CELSR1: variants seen among roughly 807,000 people sequenced by gnomAD.
CELSR1 encodes the protein adhesion G protein-coupled receptor C1.
A neutral mutation model predicts 249.1 loss-of-function variants in CELSR1; 110 were observed. The ratio of observed to expected loss-of-function variants is 0.44; its 90% confidence interval spans 0.38 to 0.52. CELSR1 has a LOEUF of 0.52. CELSR1 is among the 20% of genes least tolerant of loss of function. The pLI, the probability that CELSR1 is intolerant of heterozygous loss-of-function variation, is 0.00. For missense variants in CELSR1, 4,109 were observed against 4,296.4 expected (o/e 0.96, Z 1.22); for synonymous variants, 2,113 against 1,900.0 (o/e 1.11, Z -2.92).
rs1044191115 is a variant in CELSR1 at position 46,415,951 on chromosome 22, G to A, written c.4612-4192C>T. ...CAAAGTGCGTCTCCGCTGAAAGGCC[G>A]GCGTGGAGCACGAGGCGGCGGCAGA... On this transcript the variant is annotated intron_variant, in intron 5 of 34. Transcript: ENST00000674500. Among the ~76,000 whole-genome samples, 11 of 152,212 alleles carry A rather than the reference G, an allele frequency of 7.2e-5. No homozygotes were observed. The East Asian group carries it at 1.9e-3, about 27-fold the overall frequency.
chr22:46,409,776 C>G lies in CELSR1; in HGVS notation c.5038G>C (p.Gly1680Arg). ...TCACCTTGCTCACAGTTCTTCCCGCCGAATCGGAGTGGACACTCACACAGA... is the reference window on the plus strand; with the variant it reads ...TCACCTTGCTCACAGTTCTTCCCGCGGAATCGGAGTGGACACTCACACAGA... ...MYLCECPLRFGGKNCEQAMPH... is the reference protein window; with the variant it reads ...MYLCECPLRFRGKNCEQAMPH... The change falls in exon 8 of 35, where the codon GGC (glycine) becomes CGC (arginine). Residue 1680 changes from glycine (G) to arginine (R), a missense_variant. Around this residue, in one of 7 missense-constraint regions of CELSR1, gnomAD observed 453 missense variants for 492.0 expected, o/e 0.92. Coordinates refer to ENST00000674500, the MANE Select transcript of CELSR1 (RefSeq NM_001378328.1). This position sits in a 1 kb window ranked among gnomAD's most constrained non-coding sequence, Gnocchi z 9.8. 1 of 1,613,778 alleles carries G rather than the reference C, an allele frequency of 6.2e-7. No individual in the cohort carries two copies. Among genetic ancestry groups the G allele is most frequent in the Non-Finnish European group, 8.5e-7 (1 of 1,180,002 alleles).
rs144094018 is a variant in CELSR1, at chr22:46,365,250, G to A, written c.8535C>T (p.Ala2845=). 4.4e-4 allele frequency: 703 copies of A among 1,612,184 alleles called. 1 individual carries two copies. In the African/African-American group the frequency reaches 7.6e-3, roughly 17 times the overall value. The change falls in exon 32 of 35, where the codon GCC becomes GCT. Residue 2845 remains alanine (A), a synonymous_variant. Coordinates refer to ENST00000674500, the MANE Select transcript of CELSR1 (RefSeq NM_001378328.1). ...AEEKWDPARG[A]VHSTPKGDAV... ...ACTCACCTTTGGGGGTGCTGTGGAC[G>A]GCGCCCCTGGCCGGGTCCCATTTTT...
Position 46,441,811 on chromosome 22 carries a change from C to G in CELSR1, c.4184-2400G>C, listed in dbSNP as rs1285836638. ...TCCAGAGCAGATATGTATGAGACAACTGGCAATTTTAAAAGACTAGTGAAC... is the reference window on the plus strand; with the variant it reads ...TCCAGAGCAGATATGTATGAGACAAGTGGCAATTTTAAAAGACTAGTGAAC... On this transcript the variant is annotated intron_variant, in intron 2 of 34. Transcript: ENST00000674500. The surrounding 1 kb of genome is among the most constrained non-coding windows in gnomAD (Gnocchi z 6.1). 6.6e-6 allele frequency among the ~76,000 whole-genome samples: 1 copy of G among 152,200 alleles called. No homozygotes were observed. Among genetic ancestry groups the G allele is most frequent in the Non-Finnish European group, 1.5e-5 (1 of 68,040 alleles).
At chr22:46,405,032 C>T (rs1367618441) in intron 9 of CELSR1, among the ~76,000 whole-genome samples, 6 of 151,794 alleles carry the variant, frequency 4.0e-5, no homozygotes, top group Non-Finnish European at 8.8e-5. Flanking sequence ...CCCATGTTGG[C>T]CATGCTGGTC....
chr22:46,442,746 C>T (rs1376076040), intron 2 of CELSR1, among the ~76,000 whole-genome samples: 1 of 152,232 alleles, frequency 6.6e-6, no homozygotes, highest in Non-Finnish European at 1.5e-5. Context: ...AGTTCTCCCT[C>T]TGCTTCCCCC....
Position 46,533,611 on chromosome 22 carries a change from C to T in CELSR1, c.3544+16G>A. On this transcript the variant is annotated intron_variant, in intron 1 of 34. Coordinates refer to ENST00000674500, the MANE Select transcript of CELSR1 (RefSeq NM_001378328.1). ...GCCCATCAGGAGCTACTCCTCCCAC[C>T]CCGACGGCCACTCACCAGACACAGA... The T allele has an allele frequency of 6.5e-7, 1 of 1,536,860 alleles. No individual in the cohort carries two copies. The highest frequency in any genetic ancestry group is 1.4e-5 in the African/African-American group (1 of 73,544).
intron 24 of CELSR1, 131 bp downstream of exon 24, chr22:46,376,930 G>A: frequency 1.1e-6 from 1 of 891,634 alleles, no homozygotes; most frequent in Non-Finnish European, 1.7e-6. Flanking sequence ...TTCCTGAAAG[G>A]GCATCTGTGA....
Position 46,436,254 on chromosome 22 carries a change from T to A in CELSR1, c.4442A>T (p.Tyr1481Phe). The A allele has an allele frequency of 1.9e-6, 3 of 1,614,132 alleles. No homozygotes were observed. Among genetic ancestry groups the A allele is most frequent in the Non-Finnish European group, 2.5e-6 (3 of 1,180,020 alleles). The change falls in exon 4 of 35, where the codon TAC (tyrosine) becomes TTC (phenylalanine). Residue 1481 changes from tyrosine (Y) to phenylalanine (F), a missense_variant. By Grantham distance (22) the Tyr-to-Phe change is conservative. This residue lies in a region of CELSR1 where 453 missense variants were observed against 492.0 expected (regional missense o/e 0.92). Transcript: ENST00000674500. The surrounding 1 kb of genome is among the most constrained non-coding windows in gnomAD (Gnocchi z 5.9). ...GTGCTTCTCATTGAAGCGGCCGTTG[T>A]AGAGAAGCAAGCCGTTCCTTTCCTG... is the stretch of plus-strand genomic sequence containing the variant. ...ATQERNGLLL[Y>F]NGRFNEKHDF...
chr22:46,506,917 C>T lies in CELSR1; in HGVS notation c.3544+26710G>A, dbSNP rs546588507. On this transcript the variant is annotated intron_variant, in intron 1 of 34. Transcript: ENST00000674500. The surrounding 1 kb of genome is among the most constrained non-coding windows in gnomAD (Gnocchi z 4.1). ...CCAACACATAAAAACCGATTCCAGG[C>T]GGGGCGTGGTGGCTCACGTTTGTAA... Among the ~76,000 whole-genome samples, 26 of 152,258 alleles carry T rather than the reference C, an allele frequency of 1.7e-4. No homozygotes were observed. The highest frequency in any genetic ancestry group is 5.5e-4 in the African/African-American group (23 of 41,554).
In CELSR1 at chr22:46,536,186, T is replaced by C. The variant is rs550733838; in HGVS notation, c.985A>G (p.Ser329Gly). The C allele has an allele frequency of 3.7e-6, 6 of 1,612,680 alleles. No homozygotes were observed. The South Asian group carries it at 5.5e-5, about 15-fold the overall frequency. Residue 329 changes from serine (S) to glycine (G), a missense_variant, in exon 1 of 35, where the codon AGT becomes GGT. Ser to Gly is a moderately conservative substitution (Grantham distance 56). Transcript: ENST00000674500. ...GTGGTGGCCGAGCGCGGCGGCGTACTGTAGTCCACGGCTTTCACCCTGAGG... is the reference window on the plus strand; with the variant it reads ...GTGGTGGCCGAGCGCGGCGGCGTACCGTAGTCCACGGCTTTCACCCTGAGG... ...HVLRVKAVDY[S>G]TPPRSATTYI...
In CELSR1 at chr22:46,533,691, C is replaced by T; in HGVS notation, c.3480G>A (p.Leu1160=). The change falls in exon 1 of 35, where the codon CTG becomes CTA. Residue 1160 remains leucine, a synonymous_variant. Coordinates refer to ENST00000674500, the MANE Select transcript of CELSR1 (RefSeq NM_001378328.1). ...LLLLDPATGE[L]QLSRDLDNNR... Reference sequence around the variant, plus strand: ...TGTTGTCCAGGTCGCGGCTGAGCTGCAGTTCGCCCGTGGCGGGGTCCAGCA... The same window carrying T: ...TGTTGTCCAGGTCGCGGCTGAGCTGTAGTTCGCCCGTGGCGGGGTCCAGCA... The T allele has an allele frequency of 1.2e-6, 2 of 1,610,586 alleles. No homozygotes were observed. Among genetic ancestry groups the T allele is most frequent in the South Asian group, 1.1e-5 (1 of 90,914 alleles).
rs1019411052 is a variant in CELSR1 at position 46,447,437 on chromosome 22, G to A, written c.4184-8026C>T. On this transcript the variant is annotated intron_variant, in intron 2 of 34. Transcript: ENST00000674500. The surrounding 1 kb of genome is among the most constrained non-coding windows in gnomAD (Gnocchi z 4.7). ...TTCTGCTTGGAGTCAAAGGCTTGCT[G>A]AGTCATTCAAACCTGGGGGAAATTC... Among the ~76,000 whole-genome samples the A allele has an allele frequency of 1.1e-4, 16 of 152,064 alleles. No individual in the cohort carries two copies. Among genetic ancestry groups the A allele is most frequent in the Admixed American group, 6.5e-5 (1 of 15,270 alleles).
rs531260943 is a variant in CELSR1 at position 46,439,130 on chromosome 22, G to A, written c.4406+59C>T. On this transcript the variant is annotated intron_variant, in intron 3 of 34. Coordinates refer to ENST00000674500, the MANE Select transcript of CELSR1 (RefSeq NM_001378328.1). ...ACGATCTAGAGGGATGGGGTGCACG[G>A]AGAAGCTCGCCCCTTTCCTAAAGAG... The A allele has an allele frequency of 2.6e-5, 39 of 1,486,688 alleles. No individual in the cohort carries two copies. In the Admixed American group the frequency reaches 5.8e-4, roughly 22 times the overall value. The allele number at this position is 1,486,688 out of a possible 1,614,324, so 92.1% of individuals were successfully genotyped here. A position where few individuals can be genotyped will look rare whatever the true frequency, so the allele number is the denominator to read the frequency against.
chr22:46,410,221 T>C lies in CELSR1; in HGVS notation c.4933+177A>G, dbSNP rs2079316787. On this transcript the variant is annotated intron_variant, in intron 7 of 34. Transcript: ENST00000674500. The surrounding 1 kb of genome is among the most constrained non-coding windows in gnomAD (Gnocchi z 6.8). ...ACTGCAGATGCAGGAACTGCGGAGATGCACATCTCCAGCCTGGACTCCGGG... is the reference window on the plus strand; with the variant it reads ...ACTGCAGATGCAGGAACTGCGGAGACGCACATCTCCAGCCTGGACTCCGGG... Among the ~76,000 whole-genome samples, 1 of 152,200 alleles carries C rather than the reference T, an allele frequency of 6.6e-6. No homozygotes were observed. Among genetic ancestry groups the C allele is most frequent in the African/African-American group, 2.4e-5 (1 of 41,456 alleles).
rs999901578 is a variant in CELSR1 at position 46,391,400 on chromosome 22, A to G, written c.6149-113T>C. The G allele has an allele frequency of 1.0e-6, 1 of 1,001,432 alleles. No individual in the cohort carries two copies. The highest frequency in any genetic ancestry group is 1.5e-6 in the Non-Finnish European group (1 of 685,380). 62.0% of individuals were successfully genotyped at this position (1,001,432 alleles called of 1,614,324 possible). ...GCAGGAGGCCCTGCTCCCACCAAGA[A>G]CCGAACCCTAGCATCTCCCCTGCCC... On this transcript the variant is annotated intron_variant, in intron 15 of 34. Coordinates refer to ENST00000674500, the MANE Select transcript of CELSR1 (RefSeq NM_001378328.1). This position sits in a 1 kb window ranked among gnomAD's most constrained non-coding sequence, Gnocchi z 4.3.
At position 46,488,653 on chromosome 22, in the gene CELSR1, C is replaced by A. The variant is rs1364388276; in HGVS notation, c.3545-24308G>T. 1.5e-5 allele frequency among the ~76,000 whole-genome samples: 2 copies of A among 137,552 alleles called. No individual in the cohort carries two copies. The highest frequency in any genetic ancestry group is 5.7e-5 in the African/African-American group (2 of 34,902). The allele number at this position is 137,552 out of a possible 152,430, so 90.2% of individuals were successfully genotyped here. Reference sequence around the variant, plus strand: ...GGCACAGCAGTGACCACTCCCGTGCCACAGCCCTGCCCTTTTTTTTTTTTG... The same window carrying A: ...GGCACAGCAGTGACCACTCCCGTGCAACAGCCCTGCCCTTTTTTTTTTTTG... On this transcript the variant is annotated intron_variant, in intron 1 of 34. Coordinates refer to ENST00000674500, the MANE Select transcript of CELSR1 (RefSeq NM_001378328.1). This position sits in a 1 kb window ranked among gnomAD's most constrained non-coding sequence, Gnocchi z 4.7.
intron 3 of CELSR1, among the ~76,000 whole-genome samples, chr22:46,438,091 G>T (rs2147457658): frequency 6.6e-6 from 1 of 152,206 alleles, no homozygotes; most frequent in Non-Finnish European, 1.5e-5. Flanking sequence ...GCTGGCGACG[G>T]AGCAATAAAG....
chr22:46,423,166 G>A lies in CELSR1; in HGVS notation c.4611+10227C>T, dbSNP rs1157262947. On this transcript the variant is annotated intron_variant, in intron 5 of 34. Coordinates refer to ENST00000674500, the MANE Select transcript of CELSR1 (RefSeq NM_001378328.1). The surrounding 1 kb of genome is among the most constrained non-coding windows in gnomAD (Gnocchi z 5.6). The stretch of plus-strand genomic sequence containing the variant: ...CTGCCACCAAGTGAACGGCCAGGGT[G>A]GCCTGCTGGAAGATGAGAGGCCCCA... Among the ~76,000 whole-genome samples, 1 of 152,236 alleles carries A rather than the reference G, an allele frequency of 6.6e-6. No individual in the cohort carries two copies. The highest frequency in any genetic ancestry group is 2.4e-5 in the African/African-American group (1 of 41,468).
At position 46,369,922 on chromosome 22, in the gene CELSR1, A is replaced by G. The variant is rs544381888; in HGVS notation, c.7760-118T>C. The G allele has an allele frequency of 4.7e-5, 39 of 836,998 alleles. No homozygotes were observed. In the Admixed American group the frequency reaches 7.6e-4, roughly 16 times the overall value. The allele number at this position is 836,998 out of a possible 1,614,324, so 51.8% of individuals were successfully genotyped here. ...ACTCAGCATCTCCCTTCTCAGAGGA[A>G]GGAGCAAGGAGTCCAGGGAGCCAGC... On this transcript the variant is annotated intron_variant, in intron 25 of 34. Coordinates refer to ENST00000674500, the MANE Select transcript of CELSR1 (RefSeq NM_001378328.1).
Sources: gnomAD v4.1 joint callset for allele counts (sites outside exome capture counted in the v4.1 genomes callset) on GRCh38, gnomAD v4.1.1 for gene constraint, gnomAD v4.1.1 regional missense constraint, Gnocchi (gnomAD v3.1) non-coding constraint, MANE v1.5 for transcripts, NCBI Gene and HGNC (gene_info 2026-07-23, HGNC 2026-07-21) for gene names.